PTPRQ: variants seen among roughly 807,000 people sequenced by gnomAD.
PTPRQ encodes the protein protein tyrosine phosphatase receptor type Q.
Under a neutral mutation model 246.0 loss-of-function variants are expected in PTPRQ, and 199 were observed. The observed-to-expected ratio is 0.81, with a 90% confidence interval of 0.72 to 0.91. The LOEUF (loss-of-function observed/expected upper bound fraction) is 0.91, where lower values mean the gene tolerates loss of function less well. PTPRQ is among the 40% of genes least tolerant of loss of function. The probability of loss-of-function intolerance (pLI) is 0.00; values close to 1 mark genes in which losing one functional copy is unlikely to be tolerated. For synonymous variants in PTPRQ, 869 were observed against 853.2 expected, an observed-to-expected ratio of 1.02 and a Z score of -0.32; for missense variants, 2,624 against 2,528.4, an observed-to-expected ratio of 1.04 and a Z score of -0.81.
intron 17 of PTPRQ, among the ~76,000 whole-genome samples, chr12:80,515,634 A>T (rs1214789635): frequency 6.6e-6 from 1 of 151,332 alleles, no homozygotes; most frequent in East Asian, 1.9e-4. Context: ...GGGTTTTGCC[A>T]TGTTGGCCAG....
intron 17 of PTPRQ, chr12:80,526,126 C>G (rs1040661533): frequency 6.6e-6 from 1 of 152,134 alleles, no homozygotes; most frequent in Non-Finnish European, 1.5e-5. Flanking sequence ...CAGTTCTATG[C>G]CCCATCCTAT....
intron 33 of PTPRQ, among the ~76,000 whole-genome samples, chr12:80,624,995 G>T (rs2121146770): frequency 6.6e-6 from 1 of 152,278 alleles, no homozygotes; most frequent in Non-Finnish European, 1.5e-5. Context: ...CAGCCCATGA[G>T]CTGCGAGTTG....
chr12:80,616,446 T>C (rs1198305507), intron 30 of PTPRQ, among the ~76,000 whole-genome samples, 180 bp downstream of exon 30: 1 of 151,036 alleles, frequency 6.6e-6, no homozygotes, highest in Non-Finnish European at 1.5e-5. Context: ...AATGATGATG[T>C]GAATTACCAT....
Position 80,549,477 on chromosome 12 carries a change from T to C in PTPRQ, c.4028T>C (p.Val1343Ala), listed in dbSNP as rs1896404490. The C allele has an allele frequency of 5.2e-6, 8 of 1,547,238 alleles. No homozygotes were observed. The highest frequency in any genetic ancestry group is 7.0e-6 in the Non-Finnish European group (8 of 1,144,212). Residue 1343 changes from valine to alanine, a missense_variant, in exon 25 of 45, where the codon GTG becomes GCG. Val to Ala is a moderately conservative substitution (Grantham distance 64, BLOSUM62 0). Coordinates refer to ENST00000644991, the MANE Select transcript of PTPRQ (RefSeq NM_001145026.2). ...FTTQESVPDVVQNMQCMATSW... is the reference protein window; with the variant it reads ...FTTQESVPDVAQNMQCMATSW... ...TTTATCTCTTAAGTTCCAGATGTCG[T>C]GCAGAATATGCAGTGCATGGCAACT...
chr12:80,454,600 G>T (rs1045627819), intron 3 of PTPRQ: 27 of 700,840 alleles, frequency 3.9e-5, no homozygotes, highest in Non-Finnish European at 6.2e-5. Flanking sequence ...TGTTGGCTGT[G>T]GTTTGTCATA....
At chr12:80,665,683 A>G (rs1308690280) in intron 39 of PTPRQ, among the ~76,000 whole-genome samples, 1 of 152,080 alleles carries the variant, frequency 6.6e-6, no homozygotes, top group Non-Finnish European at 1.5e-5. Flanking sequence ...ATGGGAGAAA[A>G]TATTTGCAAA....
rs202014454 is a variant in PTPRQ at position 80,466,612 on chromosome 12, C to T, written c.911-2098C>T. ...CACTACCTGACTTTAAACTATACTA[C>T]AAGGCTACAGTAACCAAAACAGAAT... On this transcript the variant is annotated intron_variant, in intron 6 of 44. Transcript: ENST00000644991. Among the ~76,000 whole-genome samples, 329 of 152,306 alleles carry T rather than the reference C, an allele frequency of 2.2e-3. 2 individuals are homozygous for T. The highest frequency in any genetic ancestry group is 7.6e-3 in the African/African-American group (318 of 41,574).
intron 26 of PTPRQ, 141 bp from the exon 27 acceptor site, chr12:80,604,918 T>C: frequency 1.1e-6 from 1 of 888,484 alleles, no homozygotes; most frequent in South Asian, 3.7e-5. Context: ...GTAATGCCTT[T>C]AGCACTCTGT....
At chr12:80,506,306 G>T in intron 15 of PTPRQ, 100 bp downstream of exon 15, 1 of 1,276,414 alleles carries the variant, frequency 7.8e-7, no homozygotes, top group Non-Finnish European at 1.0e-6. Flanking sequence ...TTTCATGCAG[G>T]GTATTACAAT....
intron 25 of PTPRQ, among the ~76,000 whole-genome samples, chr12:80,582,645 C>T (rs1897479972): frequency 6.6e-6 from 1 of 152,162 alleles, no homozygotes; most frequent in Non-Finnish European, 1.5e-5. Flanking sequence ...ACTTTCAGTT[C>T]CAGAACGTTG....
At chr12:80,528,450 A>T (rs1895754452) in intron 17 of PTPRQ, among the ~76,000 whole-genome samples, 1 of 142,658 alleles carries the variant, frequency 7.0e-6, no homozygotes, top group Admixed American at 7.3e-5. Flanking sequence ...AAATAATGAA[A>T]GAAAGAAGTA....
intron 32 of PTPRQ, 54 bp downstream of exon 32, chr12:80,620,430 T>C: frequency 6.5e-7 from 1 of 1,539,534 alleles, no homozygotes; most frequent in Non-Finnish European, 8.8e-7. Flanking sequence ...GTTAGTATCT[T>C]TCATCCATCC....
At chr12:80,568,066 A>C (rs901587257) in intron 25 of PTPRQ, among the ~76,000 whole-genome samples, 2 of 152,180 alleles carry the variant, frequency 1.3e-5, no homozygotes, top group African/African-American at 4.8e-5. Context: ...GTAGTATAGG[A>C]CTAAAAAATG....
At position 80,588,421 on chromosome 12, in the gene PTPRQ, A is replaced by C. The variant is rs1241864376; in HGVS notation, c.4578A>C (p.Ser1526=). ...CCAATGCTGGCTATGGCAATGCTTCAAACTGGATTTCTACAAAAACTCTGC... is the reference window on the plus strand; with the variant it reads ...CCAATGCTGGCTATGGCAATGCTTCCAACTGGATTTCTACAAAAACTCTGC... ...ASTNAGYGNA[S]NWISTKTLPG... The change falls in exon 26 of 45, where the codon TCA becomes TCC. Residue 1526 remains serine (S), a synonymous_variant. Transcript: ENST00000644991. 1.4e-5 allele frequency: 21 copies of C among 1,495,428 alleles called. No homozygotes were observed. The highest frequency in any genetic ancestry group is 7.0e-5 in the African/African-American group (5 of 70,968). 92.6% of individuals were successfully genotyped at this position (1,495,428 alleles called of 1,614,324 possible). A position where few individuals can be genotyped will look rare whatever the true frequency, so the allele number is the denominator to read the frequency against.
At chr12:80,477,787 G>A (rs1321277897) in intron 8 of PTPRQ, among the ~76,000 whole-genome samples, 1 of 152,106 alleles carries the variant, frequency 6.6e-6, no homozygotes, top group Non-Finnish European at 1.5e-5. Flanking sequence ...CTGGAAAATC[G>A]GGTCACTCCG....
chr12:80,545,435 G>A (rs746608786), intron 23 of PTPRQ, among the ~76,000 whole-genome samples: 4 of 151,810 alleles, frequency 2.6e-5, no homozygotes, highest in Non-Finnish European at 5.9e-5. Flanking sequence ...TGATCAACAT[G>A]GTTTATATTT....
chr12:80,519,411 A>C (rs974861033), intron 17 of PTPRQ, among the ~76,000 whole-genome samples: 1 of 152,176 alleles, frequency 6.6e-6, no homozygotes, highest in African/African-American at 2.4e-5. Context: ...CTATTAACTT[A>C]AAAATCTCAC....
intron 8 of PTPRQ, among the ~76,000 whole-genome samples, chr12:80,477,086 T>C (rs1415694942): frequency 6.6e-6 from 1 of 152,232 alleles, no homozygotes; most frequent in East Asian, 1.9e-4. Context: ...TTAGTGACTT[T>C]ACAACTAGAA....
chr12:80,586,907 A>T (rs2121013318), intron 25 of PTPRQ: 1 of 152,352 alleles, frequency 6.6e-6, no homozygotes, highest in Admixed American at 6.5e-5. Flanking sequence ...TATTTGAATT[A>T]TATGAGAAGA....
Sources: gnomAD v4.1 joint callset for allele counts (sites outside exome capture counted in the v4.1 genomes callset) on GRCh38, gnomAD v4.1.1 for gene constraint, MANE v1.5 for transcripts, NCBI Gene and HGNC (gene_info 2026-07-23, HGNC 2026-07-21) for gene names.